Variants in BTD observed in about 807,000 individuals in gnomAD.
BTD encodes biotinidase.
Under a neutral mutation model 17.7 loss-of-function variants are expected in BTD, and 13 were observed. The ratio of observed to expected loss-of-function variants is 0.74; its 90% CI spans 0.48 to 1.17. The LOEUF is 1.17. Among genes scored for constraint, BTD ranks in the 50% most tolerant of loss-of-function variants. BTD has a pLI of 0.00. For synonymous variants in BTD, 240 were observed against 245.2 expected, an observed-to-expected ratio of 0.98 and a Z score of 0.20; for missense variants, 674 against 650.4, an observed-to-expected ratio of 1.04 and a Z score of -0.39.
At chr3:15,701,935 G>A (rs192965005) in intron 3 of BTD, among the ~76,000 whole-genome samples, 2 of 152,060 alleles carry the variant, frequency 1.3e-5, no homozygotes, top group Admixed American at 1.3e-4. Context: ...TTACCCAAGG[G>A]CATTTAAAAA....
chr3:15,632,314 C>A (rs572356513), intron 1 of BTD, among the ~76,000 whole-genome samples: 2 of 152,216 alleles, frequency 1.3e-5, no homozygotes, highest in Non-Finnish European at 2.9e-5. Context: ...CACTGTTGGA[C>A]CCCTGACACC....
chr3:15,604,786 C>T (rs757200243), intron 1 of BTD, among the ~76,000 whole-genome samples: 1 of 152,214 alleles, frequency 6.6e-6, no homozygotes, highest in Non-Finnish European at 1.5e-5. Flanking sequence ...CCACTAGTCT[C>T]TTTGCATAGC....
downstream of BTD, among the ~76,000 whole-genome samples, chr3:15,712,996 A>T (rs996492284): frequency 6.6e-6 from 1 of 152,224 alleles, no homozygotes; most frequent in African/African-American, 2.4e-5. Flanking sequence ...TGTTTCTTGC[A>T]GAGCATTAGC....
At chr3:15,714,623 C>G (rs2072779937), downstream of BTD, 1 of 1,600,682 alleles carries the variant, frequency 6.2e-7, no homozygotes, top group Non-Finnish European at 8.5e-7. Flanking sequence ...CCGTGGAGAG[C>G]AGTCATGTGT....
At chr3:15,601,533 G>T, upstream of BTD, 2 of 1,607,764 alleles carry the variant, frequency 1.2e-6, no homozygotes, top group African/African-American at 1.3e-5. Flanking sequence ...AGGCAAACGC[G>T]AAATCGGCAG....
chr3:15,646,795 G>T lies in BTD; in HGVS notation c.*1307G>T, dbSNP rs574811898. 3.3e-5 allele frequency: 5 copies of T among 152,250 alleles called. No individual in the cohort carries two copies. In the East Asian group the frequency reaches 9.6e-4, roughly 29 times the overall value. The allele number at this position is 152,250 out of a possible 1,614,324, so 9.4% of individuals were successfully genotyped here. On this transcript the variant is annotated 3_prime_UTR_variant, in exon 4 of 4. Coordinates refer to ENST00000643237, the MANE Select transcript of BTD (RefSeq NM_001370658.1). ...AACATCACACGATTTTATAAAGCAA[G>T]AAAAATGAAATGATCTCCCTATTCC... is the stretch of plus-strand genomic sequence containing the variant.
At chr3:15,603,203 GC>G (rs761791607) in intron 1 of BTD, among the ~76,000 whole-genome samples, 38 of 152,058 alleles carry the variant, frequency 2.5e-4, no homozygotes, top group Admixed American at 5.9e-4. Flanking sequence ...TCTGCCCCTG[GC>G]CCCTCCCAAA....
In BTD at chr3:15,671,337, GTGA is replaced by G. The variant is rs539654441; in HGVS notation, c.399+29282_399+29284del. Among the ~76,000 whole-genome samples the G allele has an allele frequency of 6.6e-5, 10 of 152,278 alleles. No individual in the cohort carries two copies. The South Asian group carries it at 1.9e-3, about 28-fold the overall frequency. ...GTCTTGAGGACGGAGCGGGAGAGAA[GTGA>G]TAATAGTGTGATGCCAAGCTTCAAT... is the stretch of plus-strand genomic sequence containing the variant. On this transcript the variant is annotated intron_variant, in intron 3 of 3. Coordinates refer to the BTD transcript ENST00000672141.
intron 3 of BTD, among the ~76,000 whole-genome samples, chr3:15,698,131 T>C (rs1216968193): frequency 6.6e-6 from 1 of 152,078 alleles, no homozygotes; most frequent in Non-Finnish European, 1.5e-5. Context: ...TTAGTCTTGC[T>C]AGCGGTCTGT....
Position 15,680,775 on chromosome 3 carries a change from C to CAA in BTD, c.400-29285_400-29284insAA, listed in dbSNP as rs1216028211. ...CAACCTCCTGGGCTCAAGTGATCCT[C>CAA]CCACCTCAGCCTCCTGAGTTGCTAA... On this transcript the variant is annotated intron_variant, in intron 3 of 3. Transcript: ENST00000672141. Among the ~76,000 whole-genome samples, 1,050 of 152,182 alleles carry CAA rather than the reference C, an allele frequency of 6.9e-3. 13 individuals are homozygous for CAA. The highest frequency in any genetic ancestry group is 0.024 in the African/African-American group (1,004 of 41,504).
At chr3:15,623,222 A>C (rs1454124007) in intron 1 of BTD, among the ~76,000 whole-genome samples, 3 of 152,202 alleles carry the variant, frequency 2.0e-5, no homozygotes, top group Non-Finnish European at 4.4e-5. Context: ...TTGGGTGGAG[A>C]CACAGCCAAA....
chr3:15,654,534 A>C (rs746428843), downstream of BTD, among the ~76,000 whole-genome samples: 1 of 152,104 alleles, frequency 6.6e-6, no homozygotes, highest in Non-Finnish European at 1.5e-5. Context: ...AGGGACAAAA[A>C]CCAAAACATT....
chr3:15,705,261 T>C (rs1030121152), intron 3 of BTD, among the ~76,000 whole-genome samples: 6 of 152,344 alleles, frequency 3.9e-5, no homozygotes, highest in Middle Eastern at 3.4e-3. Flanking sequence ...GAAAAGTAGA[T>C]TGGCTTACAA....
At chr3:15,638,421 G>A (rs1242643881) in intron 2 of BTD, among the ~76,000 whole-genome samples, 1 of 152,110 alleles carries the variant, frequency 6.6e-6, no homozygotes, top group Non-Finnish European at 1.5e-5. Flanking sequence ...TGCTGGCCAC[G>A]CAGACTCACC....
At chr3:15,627,664 A>G (rs1280489491) in intron 1 of BTD, among the ~76,000 whole-genome samples, 1 of 152,172 alleles carries the variant, frequency 6.6e-6, no homozygotes, top group Non-Finnish European at 1.5e-5. Context: ...CATAATTTCT[A>G]CTATCATCCA....
Position 15,648,617 on chromosome 3 carries a change from C to T in BTD, c.*3129C>T, listed in dbSNP as rs539374273. Among the ~76,000 whole-genome samples, 8 of 152,218 alleles carry T rather than the reference C, an allele frequency of 5.3e-5. No homozygotes were observed. The East Asian group carries it at 5.8e-4, about 11-fold the overall frequency. ...TGAAGATATCAACCAAGGCTGCAGCCGGTTGAAGGCCTCACTGGATTTGGA... is the reference window on the plus strand; with the variant it reads ...TGAAGATATCAACCAAGGCTGCAGCTGGTTGAAGGCCTCACTGGATTTGGA... On this transcript the variant is annotated 3_prime_UTR_variant, in exon 4 of 4. Transcript: ENST00000643237.
intron 3 of BTD, chr3:15,686,122 G>A: frequency 6.2e-7 from 1 of 1,611,706 alleles, no homozygotes; most frequent in Non-Finnish European, 8.5e-7. Flanking sequence ...GAGGCGTCCT[G>A]AGCAACAACA....
At chr3:15,660,058 A>G (rs532269031) in intron 3 of BTD, among the ~76,000 whole-genome samples, 3 of 152,390 alleles carry the variant, frequency 2.0e-5, no homozygotes, top group South Asian at 4.1e-4. Flanking sequence ...CTGGACGCTT[A>G]GGTGTCAGGC....
chr3:15,645,581 T>A lies in BTD; in HGVS notation c.*93T>A. On this transcript the variant is annotated 3_prime_UTR_variant, in exon 4 of 4. Transcript: ENST00000643237. The stretch of plus-strand genomic sequence containing the variant: ...CAAGCCCTGGGACCATCTTTCTGCC[T>A]TAAGGGCAGGAGCCCACTTCTGTGG... 1 of 1,468,590 alleles carries A rather than the reference T, an allele frequency of 6.8e-7. No individual in the cohort carries two copies. Among genetic ancestry groups the A allele is most frequent in the Non-Finnish European group, 9.3e-7 (1 of 1,079,014 alleles). 91.0% of individuals were successfully genotyped at this position (1,468,590 alleles called of 1,614,324 possible).
Sources: allele counts gnomAD v4.1 joint callset (sites outside exome capture counted in the v4.1 genomes callset), GRCh38; gene constraint gnomAD v4.1.1; transcripts MANE v1.5; gene names NCBI Gene and HGNC (gene_info 2026-07-23, HGNC 2026-07-21).